COMMD1: variants seen among roughly 807,000 people sequenced by gnomAD.
COMMD1 encodes copper metabolism domain containing 1.
Under a neutral mutation model 17.2 loss-of-function variants are expected in COMMD1, and 10 were observed. The observed-to-expected ratio is 0.58, with a 90% CI of 0.36 to 0.99. COMMD1 has a LOEUF of 0.99. Among genes scored for constraint, COMMD1 ranks in the 50% least tolerant of loss-of-function variants. The probability of loss-of-function intolerance (pLI) is 0.01; values close to 1 mark genes in which losing one functional copy is unlikely to be tolerated. For synonymous variants in COMMD1, 97 were observed against 91.6 expected (o/e 1.06, Z -0.34); for missense variants, 270 against 231.8 (o/e 1.17, Z -1.07).
chr2:62,048,395 TGTCAGGATA>T (rs1670443225), intron 2 of COMMD1, among the ~76,000 whole-genome samples: 1 of 151,812 alleles, frequency 6.6e-6, no homozygotes, highest in Non-Finnish European at 1.5e-5. Context: ...TCACTGTGTT[TGTCAGGATA>T]GTCTTGATCT....
chr2:62,046,307 T>A (rs1191938921), intron 2 of COMMD1, among the ~76,000 whole-genome samples: 1 of 152,240 alleles, frequency 6.6e-6, no homozygotes, highest in South Asian at 2.1e-4. Context: ...AGTAAAGAAT[T>A]TGGTCTGGCT....
chr2:61,889,711 A>T (rs1187232366), intron 1 of COMMD1, among the ~76,000 whole-genome samples: 1 of 152,146 alleles, frequency 6.6e-6, no homozygotes, highest in Non-Finnish European at 1.5e-5. Context: ...ATTGGTTGAT[A>T]CTGGGTGGTG....
At chr2:61,965,827 C>T (rs1013474591) in intron 1 of COMMD1, among the ~76,000 whole-genome samples, 1 of 152,126 alleles carries the variant, frequency 6.6e-6, no homozygotes, top group Non-Finnish European at 1.5e-5. Context: ...TAGTTCTTCG[C>T]TTTTAAGGAA....
chr2:62,087,282 G>T (rs758087895), intron 2 of COMMD1, among the ~76,000 whole-genome samples: 1 of 152,158 alleles, frequency 6.6e-6, no homozygotes, highest in East Asian at 1.9e-4. Flanking sequence ...GGTAGAGTCC[G>T]TGAGGGTCAC....
chr2:62,104,016 T>C (rs954542192), intron 2 of COMMD1, among the ~76,000 whole-genome samples: 2 of 152,150 alleles, frequency 1.3e-5, no homozygotes, highest in Non-Finnish European at 2.9e-5. Context: ...AATATTTGTA[T>C]TTTTTGTATA....
chr2:61,911,273 G>A (rs1429383798), intron 1 of COMMD1, among the ~76,000 whole-genome samples: 2 of 151,448 alleles, frequency 1.3e-5, no homozygotes, highest in Non-Finnish European at 2.9e-5. Flanking sequence ...TCAGGAGTTT[G>A]AGACCAGCCT....
At position 61,942,928 on chromosome 2, in the gene COMMD1, C is replaced by CAT. The variant is rs371403118; in HGVS notation, c.180+37084_180+37085dup. Among the ~76,000 whole-genome samples, 576 of 150,330 alleles carry CAT rather than the reference C, an allele frequency of 3.8e-3. 3 individuals carry two copies. Among genetic ancestry groups the CAT allele is most frequent in the African/African-American group, 1.0e-2 (410 of 41,090 alleles). On this transcript the variant is annotated intron_variant, in intron 1 of 2. Coordinates refer to ENST00000311832, the MANE Select transcript of COMMD1 (RefSeq NM_152516.4). ...GAATATGTGTACATATACCTAAACACATATATATATATATACACTCATACA... is the reference window on the plus strand; with the variant it reads ...GAATATGTGTACATATACCTAAACACATATATATATATATATACACTCATACA...
At chr2:62,099,625 T>G (rs1014266288) in intron 2 of COMMD1, among the ~76,000 whole-genome samples, 5 of 151,102 alleles carry the variant, frequency 3.3e-5, no homozygotes, top group Middle Eastern at 3.2e-3. Flanking sequence ...TTTTGTGTGG[T>G]GGATCAATAT....
At chr2:61,916,663 G>A (rs1276061457) in intron 1 of COMMD1, among the ~76,000 whole-genome samples, 1 of 152,074 alleles carries the variant, frequency 6.6e-6, no homozygotes, top group African/African-American at 2.4e-5. Flanking sequence ...CTGGGCTCAA[G>A]TGATCTATCC....
chr2:61,924,943 G>A (rs1050649101), intron 1 of COMMD1, among the ~76,000 whole-genome samples: 5 of 152,200 alleles, frequency 3.3e-5, no homozygotes, highest in African/African-American at 9.6e-5. Context: ...CTGAAGCAGA[G>A]GAACCAGAGG....
intron 1 of COMMD1, among the ~76,000 whole-genome samples, chr2:61,947,934 G>A (rs1286682546): frequency 6.6e-6 from 1 of 151,616 alleles, no homozygotes; most frequent in Admixed American, 6.6e-5. Flanking sequence ...AATCACATCT[G>A]TAAATTTATG....
chr2:62,034,073 A>T lies in COMMD1; in HGVS notation c.462+33091A>T, dbSNP rs1421949996. Among the ~76,000 whole-genome samples the T allele has an allele frequency of 2.1e-5, 3 of 141,778 alleles. No individual in the cohort carries two copies. In the Admixed American group the frequency reaches 2.2e-4, roughly 10 times the overall value. The allele number at this position is 141,778 out of a possible 152,430, so 93.0% of individuals were successfully genotyped here. On this transcript the variant is annotated intron_variant, in intron 2 of 2. Coordinates refer to ENST00000311832, the MANE Select transcript of COMMD1 (RefSeq NM_152516.4). ...TGCAGTGAGCCAGCCTCAGCAACAG[A>T]GCAAGACCCTGTCTCAAAAAAAAAA...
intron 2 of COMMD1, among the ~76,000 whole-genome samples, chr2:62,029,751 G>A (rs1558568980): frequency 1.3e-5 from 2 of 152,158 alleles, no homozygotes; most frequent in Admixed American, 6.5e-5. Flanking sequence ...ACCTAGAAAA[G>A]GTTCTCTCAA....
intron 2 of COMMD1, among the ~76,000 whole-genome samples, chr2:62,004,076 C>G (rs114233793): frequency 0.012 from 1,836 of 151,936 alleles, 39 homozygotes; most frequent in African/African-American, 0.043. Flanking sequence ...TGCAGCAAGC[C>G]AAGATCGGAT....
chr2:61,995,272 G>A (rs188339415), intron 1 of COMMD1, among the ~76,000 whole-genome samples: 4 of 152,206 alleles, frequency 2.6e-5, no homozygotes, highest in South Asian at 2.1e-4. Context: ...TAAACCACAC[G>A]TTGCATCATG....
chr2:62,124,539 T>C (rs992496059), intron 2 of COMMD1, among the ~76,000 whole-genome samples: 4 of 144,694 alleles, frequency 2.8e-5, no homozygotes, highest in African/African-American at 1.2e-4. Context: ...AAAAATGCCT[T>C]TTGTTTGTTT....
intron 1 of COMMD1, among the ~76,000 whole-genome samples, chr2:61,897,795 C>T (rs1178370128): frequency 1.3e-5 from 2 of 152,094 alleles, no homozygotes; most frequent in Admixed American, 6.6e-5. Context: ...AACTCTTTAT[C>T]CCTATGTCCT....
intron 2 of COMMD1, among the ~76,000 whole-genome samples, chr2:62,003,825 C>T (rs1298020301): frequency 6.6e-6 from 1 of 152,056 alleles, no homozygotes; most frequent in African/African-American, 2.4e-5. Context: ...GATATTATTT[C>T]GTTAATACTA....
At chr2:62,016,821 T>C (rs1669463343) in intron 2 of COMMD1, among the ~76,000 whole-genome samples, 1 of 152,222 alleles carries the variant, frequency 6.6e-6, no homozygotes, top group Non-Finnish European at 1.5e-5. Context: ...CTCTCTGTTT[T>C]CTACTAAGGG....
Sources: allele counts gnomAD v4.1 joint callset (sites outside exome capture counted in the v4.1 genomes callset), GRCh38; gene constraint gnomAD v4.1.1; transcripts MANE v1.5; gene names NCBI Gene and HGNC (gene_info 2026-07-23, HGNC 2026-07-21).